KLHL20: variants seen among roughly 807,000 people sequenced by gnomAD.
The protein encoded by KLHL20 is kelch like family member 20, also known as kelch-like protein 20.
A neutral mutation model predicts 69.5 loss-of-function variants in KLHL20; 29 were observed. The ratio of observed to expected loss-of-function variants is 0.42; its 90% CI spans 0.31 to 0.57. The LOEUF (loss-of-function observed/expected upper bound fraction) is 0.57. Among genes scored for constraint, KLHL20 ranks in the 20% least tolerant of loss-of-function variants. KLHL20 has a pLI of 0.18. For missense variants in KLHL20, 419 were observed against 776.0 expected, an observed-to-expected ratio of 0.54 and a Z score of 5.47; for synonymous variants, 253 against 265.2, an observed-to-expected ratio of 0.95 and a Z score of 0.45.
chr1:173,756,320 C>T (rs572828509), intron 6 of KLHL20, among the ~76,000 whole-genome samples: 1 of 129,564 alleles, frequency 7.7e-6, no homozygotes, highest in East Asian at 1.9e-4. Context: ...GGAGGCCAGG[C>T]GTTTGAGACC....
intron 8 of KLHL20, among the ~76,000 whole-genome samples, chr1:173,769,858 A>G (rs1196068037): frequency 6.6e-6 from 1 of 152,052 alleles, no homozygotes; most frequent in East Asian, 1.9e-4. Context: ...GCCTATATCA[A>G]AACATCTCAC....
Position 173,775,661 on chromosome 1 carries a change from G to C in KLHL20, c.1457G>C (p.Arg486Thr), listed in dbSNP as rs534389830. ...GAACGTTACAATCCTCAGGAAAACA[G>C]ATGGCACACTATAGCCCCTATGGGG... is the stretch of plus-strand genomic sequence containing the variant. ...TVERYNPQEN[R>T]WHTIAPMGTR... The change falls in exon 10 of 12, where the codon AGA becomes ACA. Residue 486 changes from arginine to threonine, a missense_variant. Physicochemically the swap from Arg to Thr is moderately conservative, Grantham distance 71 (BLOSUM62 -1). Transcript: ENST00000209884. 1.2e-6 allele frequency: 2 copies of C among 1,614,182 alleles called. No individual in the cohort carries two copies. The highest frequency in any genetic ancestry group is 1.3e-5 in the African/African-American group (1 of 75,060).
At chr1:173,716,958 G>A (rs557312459) in intron 2 of KLHL20, among the ~76,000 whole-genome samples, 3 of 152,276 alleles carry the variant, frequency 2.0e-5, no homozygotes, top group East Asian at 1.9e-4. Flanking sequence ...CTTCTTTAGT[G>A]TATCTGATCA....
In KLHL20 at chr1:173,734,306, C is replaced by G. The variant is rs764342229; in HGVS notation, c.597+20C>G. The G allele has an allele frequency of 6.2e-7, 1 of 1,606,042 alleles. No individual in the cohort carries two copies. Among genetic ancestry groups the G allele is most frequent in the Non-Finnish European group, 8.5e-7 (1 of 1,172,750 alleles). On this transcript the variant is annotated intron_variant, in intron 3 of 11. Transcript: ENST00000209884. Reference sequence around the variant, plus strand: ...CAAGAGGTGAGTTGCACTTGGTGTTCCAATGCACCCATTTGTTGGAGAGCA... The same window carrying G: ...CAAGAGGTGAGTTGCACTTGGTGTTGCAATGCACCCATTTGTTGGAGAGCA...
At chr1:173,724,738 G>C (rs1051041247) in intron 2 of KLHL20, among the ~76,000 whole-genome samples, 1 of 152,172 alleles carries the variant, frequency 6.6e-6, no homozygotes, top group Non-Finnish European at 1.5e-5. Flanking sequence ...CTAGGAGGTC[G>C]AGGCTGTAGT....
intron 7 of KLHL20, among the ~76,000 whole-genome samples, chr1:173,763,130 G>C (rs1647428250): frequency 6.6e-6 from 1 of 151,368 alleles, no homozygotes; most frequent in African/African-American, 2.4e-5. Flanking sequence ...TTTTACAATA[G>C]CTGCAAAAAA....
intron 7 of KLHL20, among the ~76,000 whole-genome samples, chr1:173,763,143 A>AG (rs1647430085): frequency 1.3e-5 from 2 of 152,198 alleles, no homozygotes. Flanking sequence ...GCAAAAAAAA[A>AG]TAAAATACTT....
rs1343829294 is a variant in KLHL20, at chr1:173,751,858, T to G, written c.692T>G (p.Val231Gly). ...DELNVRSEEQ[V>G]FNAVMAWVKY... is the part of the protein sequence containing the mutation. ...CTAAACGTTCGCAGTGAAGAACAAG[T>G]GTTCAATGCAGTGATGGCCTGGGTC... The change falls in exon 4 of 12, where the codon GTG (valine) becomes GGG (glycine). Residue 231 changes from valine to glycine, a missense_variant. By Grantham distance (109) the Val-to-Gly change is moderately radical. Coordinates refer to ENST00000209884, the MANE Select transcript of KLHL20 (RefSeq NM_014458.4). 6.2e-7 allele frequency: 1 copy of G among 1,614,114 alleles called. No homozygotes were observed. Among genetic ancestry groups the G allele is most frequent in the Non-Finnish European group, 8.5e-7 (1 of 1,179,976 alleles).
chr1:173,734,456 G>A (rs1571868583), intron 3 of KLHL20, 170 bp downstream of exon 3: 1 of 647,488 alleles, frequency 1.5e-6, no homozygotes, highest in East Asian at 2.8e-5. Flanking sequence ...GGGCAATTTT[G>A]TGTTCTACCA....
rs185523589 is a variant in KLHL20 at position 173,720,993 on chromosome 1, A to G, written c.23+4927A>G. ...TTAAAAAAAAAAATGTGAGTCATCA[A>G]TACTAAGAAGGTTCTTCAAGCTGTA... On this transcript the variant is annotated intron_variant, in intron 2 of 11. Coordinates refer to ENST00000209884, the MANE Select transcript of KLHL20 (RefSeq NM_014458.4). Among the ~76,000 whole-genome samples, 295 of 152,272 alleles carry G rather than the reference A, an allele frequency of 1.9e-3. 1 individual carries two copies. The highest frequency in any genetic ancestry group is 6.7e-3 in the African/African-American group (277 of 41,556).
intron 10 of KLHL20, among the ~76,000 whole-genome samples, chr1:173,776,184 A>G (rs551704219): frequency 4.6e-5 from 7 of 152,190 alleles, no homozygotes; most frequent in South Asian, 2.1e-4. Flanking sequence ...TCTAATGATC[A>G]GATGTTGAGC....
At chr1:173,737,237 T>C (rs901220768) in intron 3 of KLHL20, among the ~76,000 whole-genome samples, 1 of 151,960 alleles carries the variant, frequency 6.6e-6, no homozygotes, top group African/African-American at 2.4e-5. Flanking sequence ...TTAAGTTCCA[T>C]CTATTTATCT....
At chr1:173,721,568 A>G (rs1234049004) in intron 2 of KLHL20, among the ~76,000 whole-genome samples, 2 of 152,250 alleles carry the variant, frequency 1.3e-5, no homozygotes, top group Non-Finnish European at 2.9e-5. Context: ...GGAAACTAGC[A>G]TGCTTGCATG....
At position 173,785,545 on chromosome 1, in the gene KLHL20, T is replaced by A; in HGVS notation, c.*298T>A. 1 of 187,262 alleles carries A rather than the reference T, an allele frequency of 5.3e-6. No individual in the cohort carries two copies. The highest frequency in any genetic ancestry group is 1.4e-4 in the South Asian group (1 of 7,312). The allele number at this position is 187,262 out of a possible 1,614,324, so 11.6% of individuals were successfully genotyped here. A position where few individuals can be genotyped will look rare whatever the true frequency, so the allele number is the denominator to read the frequency against. The stretch of plus-strand genomic sequence containing the variant: ...AAGAAAAAATTCCAAGCAGCAAAAC[T>A]TACTTTGTTTGTAAGGTATTCATTT... On this transcript the variant is annotated 3_prime_UTR_variant, in exon 12 of 12. Transcript: ENST00000209884.
At chr1:173,764,763 A>C (rs1041271027) in intron 7 of KLHL20, among the ~76,000 whole-genome samples, 2 of 152,136 alleles carry the variant, frequency 1.3e-5, no homozygotes, top group Non-Finnish European at 2.9e-5. Context: ...AAAGACTACA[A>C]ATATGGTGCC....
intron 1 of KLHL20, 138 bp downstream of exon 1, chr1:173,715,216 TGTTGGGGC>T (rs1671411904): frequency 6.6e-6 from 1 of 152,342 alleles, no homozygotes; most frequent in East Asian, 1.9e-4. Flanking sequence ...GAGAAGAGAC[TGTTGGGGC>T]GCTGGGGCCG....
Position 173,775,713 on chromosome 1 carries a change from A to G in KLHL20, c.1509A>G (p.Ala503=), listed in dbSNP as rs1295586903. Residue 503 remains alanine, a synonymous_variant, in exon 10 of 12, where the codon GCA becomes GCG. Transcript: ENST00000209884. ...CCCGGAGGAAACACCTAGGCTGTGC[A>G]GTATATCAGGACATGATCTATGCTG... The part of the protein sequence containing the change: ...MGTRRKHLGC[A]VYQDMIYAVG... 7.4e-6 allele frequency: 12 copies of G among 1,614,100 alleles called. No homozygotes were observed. Among genetic ancestry groups the G allele is most frequent in the Admixed American group, 1.7e-5 (1 of 60,012 alleles).
intron 2 of KLHL20, among the ~76,000 whole-genome samples, chr1:173,724,126 TTA>T (rs139462621): frequency 6.6e-6 from 1 of 151,694 alleles, no homozygotes. Flanking sequence ...AAAAATTCTT[TTA>T]TATATATATA....
intron 2 of KLHL20, among the ~76,000 whole-genome samples, chr1:173,727,404 A>G (rs144262494): frequency 0.09 from 13,707 of 152,198 alleles, 2,003 homozygotes; most frequent in African/African-American, 0.31. Flanking sequence ...AGAGAACGCC[A>G]CAAAGATACT....
Sources: gnomAD v4.1 joint callset for allele counts (sites outside exome capture counted in the v4.1 genomes callset) on GRCh38, gnomAD v4.1.1 for gene constraint, MANE v1.5 for transcripts, NCBI Gene and HGNC (gene_info 2026-07-23, HGNC 2026-07-21) for gene names.